The following KPNA7 variants were observed in gnomAD, a reference collection of about 807,000 sequenced individuals.
KPNA7 encodes importin subunit alpha-8.
KPNA7 carries 54 observed loss-of-function variants against 53.7 expected under a neutral mutation model. That is an observed-to-expected ratio of 1.01 (90% CI 0.81 to 1.26). The LOEUF (loss-of-function observed/expected upper bound fraction) is 1.26, where lower values mean the gene tolerates loss of function less well. Ranked by LOEUF, KPNA7 falls within the 50% of genes most tolerant of loss-of-function variation. The pLI is 0.00. For synonymous variants in KPNA7, 276 were observed against 259.3 expected (o/e 1.06, Z -0.62); for missense variants, 640 against 644.5 (o/e 0.99, Z 0.07).
chr7:99,181,855 A>T (rs1389339073), intron 9 of KPNA7, 28 bp downstream of exon 9: 18 of 1,483,510 alleles, frequency 1.2e-5, no homozygotes, highest in Non-Finnish European at 1.4e-5. Context: ...ACAGCTATTT[A>T]CAAACCAACC....
chr7:99,202,708 G>C (rs1297600639), intron 3 of KPNA7, among the ~76,000 whole-genome samples: 1 of 152,066 alleles, frequency 6.6e-6, no homozygotes, highest in Non-Finnish European at 1.5e-5. Flanking sequence ...CACCAGGCAT[G>C]ATGGTGAGTG....
intron 6 of KPNA7, among the ~76,000 whole-genome samples, chr7:99,190,815 A>G (rs759766314): frequency 6.6e-6 from 1 of 151,404 alleles, no homozygotes; most frequent in Non-Finnish European, 1.5e-5. Flanking sequence ...GCCCAGCTTG[A>G]TAAAACTATT....
rs386410805 is a variant in KPNA7 at position 99,216,568 on chromosome 7, CTT to C, written c.-23-9081_-23-9080del. Among the ~76,000 whole-genome samples, 17 of 24,938 alleles carry C rather than the reference CTT, an allele frequency of 6.8e-4. No homozygotes were observed. The East Asian group carries it at 0.017, about 25-fold the overall frequency. 16.4% of individuals were successfully genotyped at this position (24,938 alleles called of 152,430 possible). The stretch of plus-strand genomic sequence containing the variant: ...CTCCCAAGCTTCTTACCAACACCCT[CTT>C]TTTTTTTGTGAGATGGAGTCTGGCT... On this transcript the variant is annotated intron_variant, in intron 1 of 10. Coordinates refer to the KPNA7 transcript ENST00000681060.
chr7:99,149,926 C>T, the KPNA7 span, among the ~76,000 whole-genome samples: 3 of 151,606 alleles, frequency 2.0e-5, no homozygotes, highest in East Asian at 5.8e-4. Flanking sequence ...TCCCGAGTAG[C>T]TCAGACAGAC....
rs558640240 is a variant in KPNA7, at chr7:99,180,566, T to C, written c.1317+1317A>G. Among the ~76,000 whole-genome samples, 4 of 148,744 alleles carry C rather than the reference T, an allele frequency of 2.7e-5. No individual in the cohort carries two copies. The South Asian group carries it at 8.5e-4, about 31-fold the overall frequency. On this transcript the variant is annotated intron_variant, in intron 9 of 10. Transcript: ENST00000327442. ...CTGTCTCCGTCTGTCTCTGTCTCTG[T>C]CCATCTGTCTCTGTCCATCTCTCCG...
At chr7:99,189,259 C>T (rs1459268084) in intron 6 of KPNA7, among the ~76,000 whole-genome samples, 1 of 152,082 alleles carries the variant, frequency 6.6e-6, no homozygotes, top group Non-Finnish European at 1.5e-5. Context: ...TCCTACTCTG[C>T]CTCTGGATCC....
At chr7:99,160,029 T>TG in the KPNA7 span, among the ~76,000 whole-genome samples, 7 of 140,964 alleles carry the variant, frequency 5.0e-5, no homozygotes, top group East Asian at 8.1e-4. Flanking sequence ...TTTTTTTTTT[T>TG]TTTTTTTTTT....
At chr7:99,180,472 C>T (rs954767077) in intron 9 of KPNA7, among the ~76,000 whole-genome samples, 2 of 151,434 alleles carry the variant, frequency 1.3e-5, no homozygotes, top group African/African-American at 2.4e-5. Flanking sequence ...ACTCCAACCT[C>T]GGTGGCAGAG....
chr7:99,192,230 A>G (rs144180349), intron 6 of KPNA7, among the ~76,000 whole-genome samples: 4 of 152,232 alleles, frequency 2.6e-5, no homozygotes, highest in African/African-American at 7.2e-5. Context: ...TGTTCCAATA[A>G]TGGAACACCA....
chr7:99,180,408 G>A (rs1256833759), intron 9 of KPNA7, among the ~76,000 whole-genome samples: 1 of 152,112 alleles, frequency 6.6e-6, no homozygotes, highest in Non-Finnish European at 1.5e-5. Context: ...TGGCTGAGGT[G>A]GGAGGATTGC....
At chr7:99,163,819 C>T in the KPNA7 span, among the ~76,000 whole-genome samples, 1,786 of 152,126 alleles carry the variant, frequency 0.012, 33 homozygotes, top group African/African-American at 0.041. Flanking sequence ...TCTCGAGTTA[C>T]GGTATCATTT....
chr7:99,159,018 C>T, the KPNA7 span, among the ~76,000 whole-genome samples: 9 of 151,958 alleles, frequency 5.9e-5, no homozygotes, highest in Non-Finnish European at 1.2e-4. Context: ...GTGCACACCA[C>T]GACGCCCGGC....
chr7:99,158,480 T>C, the KPNA7 span, among the ~76,000 whole-genome samples: 2 of 152,106 alleles, frequency 1.3e-5, no homozygotes, highest in African/African-American at 4.8e-5. Context: ...ATCTTCCAAT[T>C]CTGTTTTCAT....
chr7:99,151,773 T>A, the KPNA7 span, among the ~76,000 whole-genome samples: 1 of 151,646 alleles, frequency 6.6e-6, no homozygotes, highest in Non-Finnish European at 1.5e-5. Flanking sequence ...ATTAAGAACC[T>A]CCTATGTATC....
At chr7:99,155,276 G>A in the KPNA7 span, among the ~76,000 whole-genome samples, 1 of 152,096 alleles carries the variant, frequency 6.6e-6, no homozygotes, top group Non-Finnish European at 1.5e-5. Flanking sequence ...GTTAGACAAA[G>A]ATATTGGCAC....
downstream of KPNA7, among the ~76,000 whole-genome samples, chr7:99,173,208 G>T (rs1033492749): frequency 1.3e-5 from 2 of 150,206 alleles, no homozygotes; most frequent in Non-Finnish European, 3.0e-5. Context: ...TATTTTTTTT[G>T]AGAAGGAGTT....
chr7:99,214,452 C>CAA (rs200819604), intron 1 of KPNA7, among the ~76,000 whole-genome samples: 28 of 145,456 alleles, frequency 1.9e-4, no homozygotes, highest in South Asian at 1.1e-3. Flanking sequence ...CAAAAAAAAA[C>CAA]AAAAAACAAA....
At chr7:99,175,573 T>C (rs1215830956) in intron 10 of KPNA7, among the ~76,000 whole-genome samples, 1 of 151,978 alleles carries the variant, frequency 6.6e-6, no homozygotes, top group Non-Finnish European at 1.5e-5. Context: ...TGGAATACAG[T>C]GGCACCATCT....
At chr7:99,197,495 G>A (rs1043337387) in intron 3 of KPNA7, among the ~76,000 whole-genome samples, 2 of 152,092 alleles carry the variant, frequency 1.3e-5, no homozygotes, top group Non-Finnish European at 2.9e-5. Context: ...GCAATCAATA[G>A]CAATAGTCCC....
Sources: allele counts gnomAD v4.1 joint callset (sites outside exome capture counted in the v4.1 genomes callset), GRCh38; gene constraint gnomAD v4.1.1; transcripts MANE v1.5; gene names NCBI Gene and HGNC (gene_info 2026-07-23, HGNC 2026-07-21).